STK33: variants seen among roughly 807,000 people sequenced by gnomAD.
The protein encoded by STK33 is serine/threonine kinase 33.
A neutral mutation model predicts 58.0 loss-of-function variants in STK33; 52 were observed. That is an observed-to-expected ratio of 0.90 (90% confidence interval 0.72 to 1.13). The LOEUF (loss-of-function observed/expected upper bound fraction) is 1.13. Ranked by LOEUF, STK33 falls within the 50% of genes most tolerant of loss-of-function variation. The pLI is 0.00. For synonymous variants in STK33, 215 were observed against 200.1 expected, an observed-to-expected ratio of 1.07 and a Z score of -0.63; for missense variants, 630 against 604.2, an observed-to-expected ratio of 1.04 and a Z score of -0.45.
At position 8,575,984 on chromosome 11, in the gene STK33, G is replaced by A. The variant is rs547145246; in HGVS notation, c.-466+18099C>T. Among the ~76,000 whole-genome samples, 6 of 152,190 alleles carry A rather than the reference G, an allele frequency of 3.9e-5. 1 individual carries two copies. In the South Asian group the frequency reaches 1.2e-3, roughly 32 times the overall value. ...CTAAAGACTACAGATTCCTCACCAAGGGATATTAAGAGGGAGATATTAAGA... is the reference window on the plus strand; with the variant it reads ...CTAAAGACTACAGATTCCTCACCAAAGGATATTAAGAGGGAGATATTAAGA... On this transcript the variant is annotated intron_variant, in intron 1 of 15. Coordinates refer to ENST00000687296, the MANE Select transcript of STK33 (RefSeq NM_001352389.2).
chr11:8,436,247 A>G (rs1293070933), intron 12 of STK33, 108 bp from the exon 13 acceptor site: 2 of 578,908 alleles, frequency 3.5e-6, no homozygotes, highest in Non-Finnish European at 5.6e-6. Flanking sequence ...ATATTTAAGG[A>G]AAGGATGGGA....
chr11:8,337,449 C>T, the STK33 span, among the ~76,000 whole-genome samples: 1 of 152,182 alleles, frequency 6.6e-6, no homozygotes, highest in African/African-American at 2.4e-5. Flanking sequence ...CAGGGCCGGC[C>T]TAGGGGGCTT....
the STK33 span, among the ~76,000 whole-genome samples, chr11:8,378,753 C>G: frequency 6.6e-6 from 1 of 152,158 alleles, no homozygotes; most frequent in Non-Finnish European, 1.5e-5. Flanking sequence ...AATTCCTATC[C>G]TAACACCAAC....
At chr11:8,348,439 T>C in the STK33 span, among the ~76,000 whole-genome samples, 713 of 152,112 alleles carry the variant, frequency 4.7e-3, 4 homozygotes, top group African/African-American at 0.016. Context: ...TATAAAACCA[T>C]CAGGATCTCG....
At chr11:8,520,838 T>C (rs1220014671) in intron 1 of STK33, among the ~76,000 whole-genome samples, 1 of 151,766 alleles carries the variant, frequency 6.6e-6, no homozygotes, top group Non-Finnish European at 1.5e-5. Context: ...CTCAATGAAA[T>C]AAAAGAGATC....
chr11:8,414,778 C>T (rs1940875400), intron 14 of STK33, among the ~76,000 whole-genome samples: 1 of 152,158 alleles, frequency 6.6e-6, no homozygotes, highest in African/African-American at 2.4e-5. Context: ...TCCCATTACA[C>T]CTTACACTGG....
At chr11:8,589,730 A>G (rs1224276701) in intron 1 of STK33, among the ~76,000 whole-genome samples, 2 of 152,224 alleles carry the variant, frequency 1.3e-5, no homozygotes, top group African/African-American at 4.8e-5. Context: ...TCAAAGAGAT[A>G]TGACAGAAAA....
chr11:8,434,447 C>T (rs1054722325), intron 14 of STK33, among the ~76,000 whole-genome samples: 3 of 151,940 alleles, frequency 2.0e-5, no homozygotes, highest in African/African-American at 4.8e-5. Flanking sequence ...TCTGAGATAC[C>T]TAAAGACCTA....
At chr11:8,584,475 C>A (rs2031103144) in intron 1 of STK33, among the ~76,000 whole-genome samples, 1 of 152,192 alleles carries the variant, frequency 6.6e-6, no homozygotes, top group African/African-American at 2.4e-5. Context: ...CACTCCTCAA[C>A]TTTCAGTTAT....
chr11:8,580,538 G>T (rs2029950867), intron 1 of STK33, among the ~76,000 whole-genome samples: 1 of 152,046 alleles, frequency 6.6e-6, no homozygotes. Context: ...TAGAACAAAT[G>T]AATAAGACCT....
intron 12 of STK33, among the ~76,000 whole-genome samples, chr11:8,437,237 A>T (rs1388901383): frequency 6.6e-6 from 1 of 152,236 alleles, no homozygotes; most frequent in Non-Finnish European, 1.5e-5. Context: ...TTAATACAGA[A>T]ACAATGTACC....
downstream of STK33, among the ~76,000 whole-genome samples, chr11:8,388,745 G>A (rs576743089): frequency 6.6e-6 from 1 of 152,248 alleles, no homozygotes; most frequent in South Asian, 2.1e-4. Context: ...AGGTTCTGTT[G>A]GCTGTCACAG....
intron 7 of STK33, among the ~76,000 whole-genome samples, chr11:8,463,168 G>C (rs1947776472): frequency 6.6e-6 from 1 of 152,138 alleles, no homozygotes; most frequent in African/African-American, 2.4e-5. Flanking sequence ...GGTTAACCTA[G>C]AGCAGCAGTC....
At chr11:8,559,184 C>G (rs1956963314) in intron 1 of STK33, among the ~76,000 whole-genome samples, 2 of 152,152 alleles carry the variant, frequency 1.3e-5, no homozygotes, top group Non-Finnish European at 2.9e-5. Flanking sequence ...CTAGTTTTTG[C>G]TCAGGAATAC....
chr11:8,515,923 G>A (rs1178193198), intron 1 of STK33, among the ~76,000 whole-genome samples: 1 of 152,102 alleles, frequency 6.6e-6, no homozygotes, highest in African/African-American at 2.4e-5. Flanking sequence ...TATAAGATCT[G>A]GGGCAAGAAA....
At chr11:8,584,693 T>C (rs1022881526) in intron 1 of STK33, among the ~76,000 whole-genome samples, 1 of 152,078 alleles carries the variant, frequency 6.6e-6, no homozygotes, top group African/African-American at 2.4e-5. Flanking sequence ...GTCTCAGCCA[T>C]CCAATAGGAA....
At chr11:8,473,308 A>C (rs751652198) in intron 5 of STK33, 32 bp from the exon 6 acceptor site, 23 of 1,289,956 alleles carry the variant, frequency 1.8e-5, no homozygotes, top group Non-Finnish European at 2.3e-5. Context: ...AAAAAAAAAA[A>C]CTTTAAGATG....
chr11:8,481,244 A>G (rs753028407), intron 1 of STK33, among the ~76,000 whole-genome samples: 2 of 152,120 alleles, frequency 1.3e-5, no homozygotes, highest in Non-Finnish European at 2.9e-5. Flanking sequence ...AAACTTGACA[A>G]CTCCAAACAG....
At chr11:8,430,485 C>CA (rs570609850) in intron 14 of STK33, among the ~76,000 whole-genome samples, 22 of 151,990 alleles carry the variant, frequency 1.4e-4, no homozygotes, top group Middle Eastern at 6.8e-3. Flanking sequence ...ACACTAATGA[C>CA]AGCTGAAGAG....
Sources: allele counts gnomAD v4.1 joint callset (sites outside exome capture counted in the v4.1 genomes callset), GRCh38; gene constraint gnomAD v4.1.1; transcripts MANE v1.5; gene names NCBI Gene and HGNC (gene_info 2026-07-23, HGNC 2026-07-21).